Variants in DENND3 observed in about 807,000 individuals in gnomAD.
DENND3 encodes the protein DENN domain containing 3.
Under a neutral mutation model 135.1 loss-of-function variants are expected in DENND3, and 88 were observed. That is an observed-to-expected ratio of 0.65 (90% CI 0.55 to 0.78). The LOEUF (loss-of-function observed/expected upper bound fraction) is 0.78, where lower values mean the gene tolerates loss of function less well. DENND3 is among the 30% of genes least tolerant of loss of function. The pLI, the probability that DENND3 is intolerant of heterozygous loss-of-function variation, is 0.00. For synonymous variants in DENND3, 693 were observed against 712.3 expected, an observed-to-expected ratio of 0.97 and a Z score of 0.43; for missense variants, 1,392 against 1,688.4, an observed-to-expected ratio of 0.82 and a Z score of 3.08.
At position 141,128,624 on chromosome 8, in the gene DENND3, G is replaced by T. The variant is rs927736443; in HGVS notation, c.-84G>T. 163 of 845,246 alleles carry T rather than the reference G, an allele frequency of 1.9e-4. No homozygotes were observed. In the African/African-American group the frequency reaches 2.4e-3, roughly 12 times the overall value. The allele number at this position is 845,246 out of a possible 1,614,324, so 52.4% of individuals were successfully genotyped here. On this transcript the variant is annotated 5_prime_UTR_variant, in exon 1 of 23. Coordinates refer to ENST00000519811, the MANE Select transcript of DENND3 (RefSeq NM_001352890.3). This position sits in a 1 kb window ranked among gnomAD's most constrained non-coding sequence, Gnocchi z 4.5. ...CTCGCAGCGCCCCCGGCCCCCAGGC[G>T]GCGCGGCTGGTCCCCAGGGGTCTGC...
At chr8:141,160,561 G>A (rs1316259835) in intron 8 of DENND3, 71 bp from the exon 9 acceptor site, 1 of 1,447,218 alleles carries the variant, frequency 6.9e-7, no homozygotes, top group Non-Finnish European at 9.2e-7. Context: ...TTACCTGGTG[G>A]GCTGTGTGCT....
Position 141,167,160 on chromosome 8 carries a change from G to T in DENND3, c.1753+771G>T, listed in dbSNP as rs1273591931. On this transcript the variant is annotated intron_variant, in intron 12 of 22. Transcript: ENST00000519811. This position sits in a 1 kb window ranked among gnomAD's most constrained non-coding sequence, Gnocchi z 4.1. ...ACCACGTTGTCTTTATCGGCTGAGC[G>T]CTGGAGCTCAGAGCGAACATTCTGG... 6.6e-6 allele frequency among the ~76,000 whole-genome samples: 1 copy of T among 152,180 alleles called. No homozygotes were observed. The highest frequency in any genetic ancestry group is 6.5e-5 in the Admixed American group (1 of 15,278).
chr8:141,177,482 C>G (rs1822538611), intron 15 of DENND3: 1 of 152,486 alleles, frequency 6.6e-6, no homozygotes. Flanking sequence ...ACGATGGCAC[C>G]CACTACAGTG....
At position 141,182,566 on chromosome 8, in the gene DENND3, C is replaced by T. The variant is rs1047919838; in HGVS notation, c.2944+1712C>T. 2.0e-5 allele frequency: 18 copies of T among 893,220 alleles called. No individual in the cohort carries two copies. The highest frequency in any genetic ancestry group is 2.4e-5 in the Non-Finnish European group (18 of 746,346). The allele number at this position is 893,220 out of a possible 1,614,324, so 55.3% of individuals were successfully genotyped here. On this transcript the variant is annotated intron_variant, in intron 17 of 22. Transcript: ENST00000519811. This position sits in a 1 kb window ranked among gnomAD's most constrained non-coding sequence, Gnocchi z 5.9. ...TGTTGTGACGGGCGAGGAGTTCAGG[C>T]GGCTTCCCCTCCAGGAGCATCTCGA...
rs529124995 is a variant in DENND3, at chr8:141,136,740, G to A, written c.334G>A (p.Ala112Thr). ...CAGAGCGCCAGAGCCTGAGGATGTC[G>A]CCGTCCCGGGCGGCGTGGACCTCCT... ...PPRAPEPEDV[A>T]VPGGVDLLTL... Residue 112 changes from alanine (A) to threonine (T), a missense_variant, in exon 2 of 23, where the codon GCC (alanine) becomes ACC (threonine). Ala to Thr is a moderately conservative substitution (Grantham distance 58). Transcript: ENST00000519811. The A allele has an allele frequency of 3.5e-5, 56 of 1,601,420 alleles. No individual in the cohort carries two copies. Among genetic ancestry groups the A allele is most frequent in the Admixed American group, 6.9e-5 (4 of 57,836 alleles).
intron 16 of DENND3, among the ~76,000 whole-genome samples, chr8:141,180,283 A>G (rs1489759993): frequency 1.3e-5 from 2 of 152,170 alleles, no homozygotes; most frequent in African/African-American, 4.8e-5. Flanking sequence ...ATCCAGCCCA[A>G]CACGCCCCTG....
Position 141,128,684 on chromosome 8 carries a change from A to ACTGGCGG in DENND3, c.-22_-16dup, listed in dbSNP as rs1265424528. 7.3e-7 allele frequency: 1 copy of ACTGGCGG among 1,369,690 alleles called. No individual in the cohort carries two copies. Among genetic ancestry groups the ACTGGCGG allele is most frequent in the Non-Finnish European group, 9.4e-7 (1 of 1,060,592 alleles). The allele number at this position is 1,369,690 out of a possible 1,614,324, so 84.8% of individuals were successfully genotyped here. The stretch of plus-strand genomic sequence containing the variant: ...CGCGGCTGAGGCGCCCGAGTGCGGT[A>ACTGGCGG]CTGGCGGCGGGCGGCGGGCAGCCAT... On this transcript the variant is annotated 5_prime_UTR_variant, in exon 1 of 23. Transcript: ENST00000519811. This position sits in a 1 kb window ranked among gnomAD's most constrained non-coding sequence, Gnocchi z 4.5.
chr8:141,183,819 G>A (rs1823520159), intron 17 of DENND3, among the ~76,000 whole-genome samples: 1 of 151,164 alleles, frequency 6.6e-6, no homozygotes, highest in African/African-American at 2.5e-5. Flanking sequence ...GCTCACTCTA[G>A]CTGAAGATGG....
rs759205642 is a variant in DENND3 at position 141,168,186 on chromosome 8, G to A, written c.1936G>A (p.Val646Ile). The A allele has an allele frequency of 4.7e-5, 76 of 1,614,178 alleles. No individual in the cohort carries two copies. Among genetic ancestry groups the A allele is most frequent in the South Asian group, 3.0e-4 (27 of 91,084 alleles). Residue 646 changes from valine (V) to isoleucine (I), a missense_variant, in exon 13 of 23, where the codon GTT becomes ATT. Val to Ile is a conservative substitution (Grantham distance 29). Coordinates refer to ENST00000519811, the MANE Select transcript of DENND3 (RefSeq NM_001352890.3). This position sits in a 1 kb window ranked among gnomAD's most constrained non-coding sequence, Gnocchi z 6.2. Reference protein sequence around the residue: ...LARYLYLRGLVYLMQGQLLNA... With the variant: ...LARYLYLRGLIYLMQGQLLNA... Reference sequence around the variant, plus strand: ...CCGCTATTTGTACCTCCGAGGGCTCGTTTATCTGATGCAGGGACAGCTGCT... The same window carrying A: ...CCGCTATTTGTACCTCCGAGGGCTCATTTATCTGATGCAGGGACAGCTGCT...
In DENND3 at chr8:141,144,326, T is replaced by C; in HGVS notation, c.735+67T>C. 7 of 1,383,714 alleles carry C rather than the reference T, an allele frequency of 5.1e-6. No individual in the cohort carries two copies. The highest frequency in any genetic ancestry group is 7.0e-6 in the Non-Finnish European group (7 of 1,005,890). The allele number at this position is 1,383,714 out of a possible 1,614,324, so 85.7% of individuals were successfully genotyped here. A position where few individuals can be genotyped will look rare whatever the true frequency, so the allele number is the denominator to read the frequency against. The stretch of plus-strand genomic sequence containing the variant: ...AGTAAAAGTAAGATGTTGAAGATAA[T>C]GTAAATGCTCACAACTATTTCTGAA... On this transcript the variant is annotated intron_variant, in intron 5 of 22. Transcript: ENST00000519811. The surrounding 1 kb of genome is among the most constrained non-coding windows in gnomAD (Gnocchi z 4.4).
At chr8:141,193,619 G>A (rs577893714) in intron 22 of DENND3, 45 of 169,870 alleles carry the variant, frequency 2.6e-4, no homozygotes, top group Middle Eastern at 2.9e-3. Flanking sequence ...AATTCGTTTA[G>A]TGTTTTCCCC....
At position 141,138,844 on chromosome 8, in the gene DENND3, G is replaced by T. The variant is rs773819543; in HGVS notation, c.501+707G>T. ...CCAGTGCCCCGTGGCCTTTTATGGC[G>T]AGTGACATTCCATCGTTTGGATGGA... is the stretch of plus-strand genomic sequence containing the variant. On this transcript the variant is annotated intron_variant, in intron 3 of 22. Transcript: ENST00000519811. This position sits in a 1 kb window ranked among gnomAD's most constrained non-coding sequence, Gnocchi z 4.8. Among the ~76,000 whole-genome samples the T allele has an allele frequency of 6.6e-6, 1 of 152,202 alleles. No individual in the cohort carries two copies.
chr8:141,142,243 G>A (rs983403732), intron 4 of DENND3: 6 of 396,296 alleles, frequency 1.5e-5, no homozygotes, highest in African/African-American at 4.2e-5. Context: ...GCACGGAGCC[G>A]TTTCTTTTGA....
At chr8:141,192,997 C>T (rs529136973) in intron 22 of DENND3, 7 of 952,786 alleles carry the variant, frequency 7.3e-6, no homozygotes, top group Middle Eastern at 5.6e-4. Flanking sequence ...TCGGGGGGAG[C>T]GTGCACTCCA....
Position 141,146,876 on chromosome 8 carries a change from C to T in DENND3, c.735+2617C>T, listed in dbSNP as rs560027998. 1.6e-4 allele frequency among the ~76,000 whole-genome samples: 25 copies of T among 152,220 alleles called. No individual in the cohort carries two copies. Among genetic ancestry groups the T allele is most frequent in the Non-Finnish European group, 3.1e-4 (21 of 68,040 alleles). On this transcript the variant is annotated intron_variant, in intron 5 of 22. Transcript: ENST00000519811. The surrounding 1 kb of genome is among the most constrained non-coding windows in gnomAD (Gnocchi z 4.3). ...AATCATCAAAGTTTATGTTCTTGTT[C>T]TGTAAACGCAGCAAGTATTTACTGA...
rs755049970 is a variant in DENND3 at position 141,166,423 on chromosome 8, C to CG, written c.1753+36dup. 6 of 1,585,172 alleles carry CG rather than the reference C, an allele frequency of 3.8e-6. No homozygotes were observed. Among genetic ancestry groups the CG allele is most frequent in the Non-Finnish European group, 5.1e-6 (6 of 1,167,350 alleles). On this transcript the variant is annotated intron_variant, in intron 12 of 22. Coordinates refer to ENST00000519811, the MANE Select transcript of DENND3 (RefSeq NM_001352890.3). The surrounding 1 kb of genome is among the most constrained non-coding windows in gnomAD (Gnocchi z 4.3). ...TGCCCCCCACTGTGGTGCTGTGTGT[C>CG]GGTCCCACCATTCCTGCACCTGCAA...
At chr8:141,153,803 G>A (rs1239939707) in intron 7 of DENND3, among the ~76,000 whole-genome samples, 1 of 152,224 alleles carries the variant, frequency 6.6e-6, no homozygotes, top group African/African-American at 2.4e-5. Context: ...ACAAAATTGT[G>A]TTTCAGGCTC....
intron 18 of DENND3, chr8:141,188,661 C>T (rs1052239488): frequency 1.0e-4 from 26 of 257,868 alleles, no homozygotes; most frequent in Non-Finnish European, 7.3e-5. Context: ...GAGGCGGTGA[C>T]GTGTCTTGCA....
In DENND3 at chr8:141,189,104, G is replaced by C. The variant is rs376168329; in HGVS notation, c.3203G>C (p.Ser1068Thr). 15 of 1,614,122 alleles carry C rather than the reference G, an allele frequency of 9.3e-6. No individual in the cohort carries two copies. Among genetic ancestry groups the C allele is most frequent in the Non-Finnish European group, 1.3e-5 (15 of 1,180,040 alleles). Residue 1068 changes from serine to threonine, a missense_variant, in exon 19 of 23, where the codon AGT becomes ACT. Physicochemically the swap from Ser to Thr is moderately conservative, Grantham distance 58 (BLOSUM62 1). Coordinates refer to ENST00000519811, the MANE Select transcript of DENND3 (RefSeq NM_001352890.3). Reference protein sequence around the residue: ...CNKQLTAHCSSVTDLIVQDGQ... With the variant: ...CNKQLTAHCSTVTDLIVQDGQ... Reference sequence around the variant, plus strand: ...AAGCAGCTCACAGCCCACTGCTCCAGTGTCACGGATTTGATTGTGCAGGAC... The same window carrying C: ...AAGCAGCTCACAGCCCACTGCTCCACTGTCACGGATTTGATTGTGCAGGAC...
Sources: gnomAD v4.1 joint callset for allele counts (sites outside exome capture counted in the v4.1 genomes callset) on GRCh38, gnomAD v4.1.1 for gene constraint, Gnocchi (gnomAD v3.1) non-coding constraint, MANE v1.5 for transcripts, NCBI Gene and HGNC (gene_info 2026-07-23, HGNC 2026-07-21) for gene names.